HIPK3: variants seen among roughly 807,000 people sequenced by gnomAD.
The protein encoded by HIPK3 is homeodomain interacting protein kinase 3.
In HIPK3, 47 loss-of-function variants were observed where a neutral mutation model predicts 124.2. The observed-to-expected ratio is 0.38, with a 90% confidence interval of 0.30 to 0.48. HIPK3 has a LOEUF of 0.48. HIPK3 is among the 20% of genes least tolerant of loss of function. The pLI is 0.98. For synonymous variants in HIPK3, 482 were observed against 515.2 expected (o/e 0.94, Z 0.87); for missense variants, 1,286 against 1,454.3 (o/e 0.88, Z 1.88).
Position 33,284,634 on chromosome 11 carries a change from G to C in HIPK3, c.-2-1779G>C, listed in dbSNP as rs532196059. Among the ~76,000 whole-genome samples the C allele has an allele frequency of 8.7e-4, 132 of 152,286 alleles. 1 individual carries two copies. In the Middle Eastern group the frequency reaches 0.01, roughly 12 times the overall value. On this transcript the variant is annotated intron_variant, in intron 1 of 16. Transcript: ENST00000303296. ...GATTGTGCCACTGCACTGCAGACTAGGCGAGACCTTGTTAAAAGAAGAAAG... is the reference window on the plus strand; with the variant it reads ...GATTGTGCCACTGCACTGCAGACTACGCGAGACCTTGTTAAAAGAAGAAAG...
chr11:33,322,899 C>A (rs1383810475), intron 2 of HIPK3, among the ~76,000 whole-genome samples: 1 of 152,182 alleles, frequency 6.6e-6, no homozygotes, highest in African/African-American at 2.4e-5. Flanking sequence ...GCATTTTCTT[C>A]CTGAATAGGC....
intron 4 of HIPK3, 62 bp downstream of exon 4, chr11:33,337,256 G>T: frequency 1.1e-6 from 1 of 917,894 alleles, no homozygotes; most frequent in East Asian, 2.8e-5. Flanking sequence ...CATATGCATG[G>T]ATAATACCTT....
intron 2 of HIPK3, among the ~76,000 whole-genome samples, chr11:33,320,874 T>C (rs1405358861): frequency 6.6e-6 from 1 of 152,052 alleles, no homozygotes; most frequent in Non-Finnish European, 1.5e-5. Flanking sequence ...GAGCAGACAA[T>C]TGGATTCACA....
chr11:33,349,031 T>C, intron 13 of HIPK3, 116 bp from the exon 14 acceptor site: 2 of 1,026,796 alleles, frequency 1.9e-6, no homozygotes, highest in Non-Finnish European at 2.8e-6. Flanking sequence ...TAACTTTTTG[T>C]CCATGTAGGT....
chr11:33,347,796 A>G, intron 10 of HIPK3, 43 bp downstream of exon 10: 1 of 1,613,106 alleles, frequency 6.2e-7, no homozygotes, highest in Non-Finnish European at 8.5e-7. Flanking sequence ...TTTGCAGACT[A>G]GATCTTGATT....
At chr11:33,310,228 T>C (rs1044612355) in intron 2 of HIPK3, among the ~76,000 whole-genome samples, 1 of 146,424 alleles carries the variant, frequency 6.8e-6, no homozygotes, top group African/African-American at 2.6e-5. Flanking sequence ...CTGGCTATCT[T>C]TGTCTGTCTG....
At chr11:33,261,513 G>A (rs941966324) in intron 1 of HIPK3, among the ~76,000 whole-genome samples, 5 of 152,112 alleles carry the variant, frequency 3.3e-5, no homozygotes, top group African/African-American at 1.2e-4. Flanking sequence ...ATGGCCTCCA[G>A]CCCCATCCAT....
intron 1 of HIPK3, chr11:33,258,242 TC>T: frequency 1.1e-6 from 1 of 907,130 alleles, no homozygotes; most frequent in Non-Finnish European, 1.3e-6. Flanking sequence ...CAACGGCTCT[TC>T]CCAGCAACCG....
intron 2 of HIPK3, among the ~76,000 whole-genome samples, chr11:33,295,725 CT>C (rs999943577): frequency 1.1e-4 from 17 of 152,178 alleles, no homozygotes; most frequent in Non-Finnish European, 2.9e-5. Flanking sequence ...AGGTTTTGCA[CT>C]TTTGGCAGGA....
chr11:33,284,399 C>T (rs112710901), intron 1 of HIPK3, among the ~76,000 whole-genome samples: 24 of 152,290 alleles, frequency 1.6e-4, no homozygotes, highest in African/African-American at 5.8e-4. Flanking sequence ...TGAATGCTAA[C>T]CCCTGCCTAG....
intron 14 of HIPK3, 88 bp from the exon 15 acceptor site, chr11:33,351,520 A>G (rs1042607835): frequency 6.1e-6 from 5 of 825,896 alleles, no homozygotes; most frequent in Non-Finnish European, 6.0e-6. Flanking sequence ...TAATGTTCTC[A>G]TCAGTTCACT....
upstream of HIPK3, chr11:33,257,215 G>T (rs1207754749): frequency 1.0e-6 from 1 of 983,758 alleles, no homozygotes; most frequent in Non-Finnish European, 1.2e-6. Flanking sequence ...GCGCGGCTGC[G>T]GACTGGCGGG....
At chr11:33,312,364 T>C (rs749150295) in intron 2 of HIPK3, among the ~76,000 whole-genome samples, 5 of 152,182 alleles carry the variant, frequency 3.3e-5, no homozygotes, top group Non-Finnish European at 5.9e-5. Context: ...TATATTTTCA[T>C]GTTCACTTTA....
Position 33,356,135 on chromosome 11 carries a change from G to A in HIPK3, c.*2567G>A, listed in dbSNP as rs1363922203. The stretch of plus-strand genomic sequence containing the variant: ...AGGGCCATGTTTACTACCCTGAAAT[G>A]TTGTATTTTTTGTCTTTAATTTCCA... On this transcript the variant is annotated 3_prime_UTR_variant, in exon 17 of 17. Transcript: ENST00000303296. 1.3e-5 allele frequency: 2 copies of A among 151,956 alleles called. No individual in the cohort carries two copies. Among genetic ancestry groups the A allele is most frequent in the Non-Finnish European group, 2.9e-5 (2 of 67,880 alleles). 9.4% of individuals were successfully genotyped at this position (151,956 alleles called of 1,614,324 possible).
At chr11:33,299,191 G>A (rs1027626966) in intron 2 of HIPK3, among the ~76,000 whole-genome samples, 1 of 151,620 alleles carries the variant, frequency 6.6e-6, no homozygotes, top group African/African-American at 2.4e-5. Flanking sequence ...GTGGTTTCTT[G>A]GGCCGGGCGC....
rs56902582 is a variant in HIPK3 at position 33,281,058 on chromosome 11, CTTTTTTTTTTTTT to C, written c.-2-5338_-2-5326del. 7.0e-3 allele frequency among the ~76,000 whole-genome samples: 780 copies of C among 111,822 alleles called. 14 individuals carry two copies. The highest frequency in any genetic ancestry group is 0.023 in the African/African-American group (648 of 28,334). The allele number at this position is 111,822 out of a possible 152,430, so 73.4% of individuals were successfully genotyped here. On this transcript the variant is annotated intron_variant, in intron 1 of 16. Coordinates refer to ENST00000303296, the MANE Select transcript of HIPK3 (RefSeq NM_005734.5). ...TTTATGTGTATATTTACTTATTTGA[CTTTTTTTTTTTTT>C]TTTTTTTTTTTTTTTTAAGGCAGAG... is the stretch of plus-strand genomic sequence containing the variant.
intron 2 of HIPK3, among the ~76,000 whole-genome samples, chr11:33,322,889 G>A (rs533519867): frequency 6.6e-6 from 1 of 152,240 alleles, no homozygotes; most frequent in East Asian, 1.9e-4. Context: ...TCCATCAAAG[G>A]CATTTTCTTC....
At chr11:33,314,916 C>G (rs1287056462) in intron 2 of HIPK3, among the ~76,000 whole-genome samples, 1 of 152,228 alleles carries the variant, frequency 6.6e-6, no homozygotes, top group South Asian at 2.1e-4. Context: ...TCCATACTCA[C>G]CTCCTAATCA....
At chr11:33,304,803 G>A (rs1852108065) in intron 2 of HIPK3, among the ~76,000 whole-genome samples, 1 of 152,128 alleles carries the variant, frequency 6.6e-6, no homozygotes, top group Non-Finnish European at 1.5e-5. Flanking sequence ...TTTCTAGAGG[G>A]AGAATTGTTA....
Sources: gnomAD v4.1 joint callset for allele counts (sites outside exome capture counted in the v4.1 genomes callset) on GRCh38, gnomAD v4.1.1 for gene constraint, MANE v1.5 for transcripts, NCBI Gene and HGNC (gene_info 2026-07-23, HGNC 2026-07-21) for gene names.